The following CSMD1 variants were observed in gnomAD, a reference collection of about 807,000 sequenced individuals.
CSMD1 encodes the protein CUB and Sushi multiple domains 1, also known as CUB and sushi domain-containing protein 1.
Under a neutral mutation model 417.5 loss-of-function variants are expected in CSMD1, and 213 were observed. That is an observed-to-expected ratio of 0.51 (90% confidence interval 0.46 to 0.57). The LOEUF (loss-of-function observed/expected upper bound fraction) is 0.57. Among genes scored for constraint, CSMD1 ranks in the 20% least tolerant of loss-of-function variants. The pLI, the probability that CSMD1 is intolerant of heterozygous loss-of-function variation, is 0.00. For missense variants in CSMD1, 6,923 were observed against 4,529.7 expected (o/e 1.53, Z -15.17); for synonymous variants, 2,862 against 1,736.8 (o/e 1.65, Z -16.11).
rs553564952 is a variant in CSMD1 at position 4,453,790 on chromosome 8, C to A, written c.303-33725G>T. Among the ~76,000 whole-genome samples, 22 of 147,608 alleles carry A rather than the reference C, an allele frequency of 1.5e-4. No individual in the cohort carries two copies. In the East Asian group the frequency reaches 3.4e-3, roughly 23 times the overall value. ...ACGCCTCAGCTTTCACCCAGGTTCC[C>A]GAACAAGATTGCGCAATTCGTTTCT... On this transcript the variant is annotated intron_variant, in intron 2 of 69. Coordinates refer to ENST00000635120, the MANE Select transcript of CSMD1 (RefSeq NM_033225.6).
At chr8:3,815,327 AATC>A (rs2129079419) in intron 5 of CSMD1, among the ~76,000 whole-genome samples, 1 of 152,292 alleles carries the variant, frequency 6.6e-6, no homozygotes, top group African/African-American at 2.4e-5. Context: ...CTTCTGAACA[AATC>A]ATGCATTTTC....
chr8:4,009,740 C>G (rs908665398), intron 4 of CSMD1, among the ~76,000 whole-genome samples: 3 of 152,088 alleles, frequency 2.0e-5, no homozygotes, highest in African/African-American at 7.2e-5. Context: ...CCTCCACAGG[C>G]GCTCACTCCT....
intron 5 of CSMD1, among the ~76,000 whole-genome samples, chr8:3,959,298 A>G (rs1812166446): frequency 1.3e-5 from 2 of 152,190 alleles, no homozygotes; most frequent in Non-Finnish European, 2.9e-5. Context: ...GAAATGTGGG[A>G]TCAGCCTGGG....
intron 49 of CSMD1, among the ~76,000 whole-genome samples, chr8:3,058,055 C>T (rs977056517): frequency 2.0e-5 from 3 of 152,116 alleles, no homozygotes; most frequent in Admixed American, 1.3e-4. Context: ...TTCCGTTCTA[C>T]CCCAAATATT....
chr8:3,379,807 A>C (rs7839582), intron 18 of CSMD1, among the ~76,000 whole-genome samples: 127,450 of 152,130 alleles, frequency 0.84, 53,648 homozygotes, highest in African/African-American at 0.91. Context: ...AGAAGAAAAC[A>C]TAAGCAATAC....
At chr8:4,426,809 G>T (rs900972483) in intron 2 of CSMD1, among the ~76,000 whole-genome samples, 4 of 149,586 alleles carry the variant, frequency 2.7e-5, no homozygotes, top group African/African-American at 9.8e-5. Context: ...AATATAGTAT[G>T]TAATATTACA....
At chr8:3,295,810 C>T (rs1015693476) in intron 25 of CSMD1, among the ~76,000 whole-genome samples, 5 of 152,140 alleles carry the variant, frequency 3.3e-5, no homozygotes, top group African/African-American at 1.2e-4. Flanking sequence ...AAATTACTTT[C>T]CCTGATCACT....
At chr8:3,506,372 T>G (rs566457790) in intron 10 of CSMD1, among the ~76,000 whole-genome samples, 51 of 152,146 alleles carry the variant, frequency 3.4e-4, no homozygotes, top group African/African-American at 1.2e-3. Context: ...ACAAGAACAC[T>G]GGAGGTAGGG....
chr8:3,471,444 C>A (rs1474519748), intron 11 of CSMD1, among the ~76,000 whole-genome samples: 2 of 152,120 alleles, frequency 1.3e-5, no homozygotes, highest in African/African-American at 4.8e-5. Context: ...GTATTAGTTG[C>A]AGGGCTTTCT....
chr8:3,632,829 T>C (rs1462113326), intron 7 of CSMD1, among the ~76,000 whole-genome samples: 2 of 152,174 alleles, frequency 1.3e-5, no homozygotes, highest in Non-Finnish European at 2.9e-5. Context: ...GTCTATTGGT[T>C]CCCCTTCAGA....
intron 1 of CSMD1, among the ~76,000 whole-genome samples, chr8:4,703,592 G>T (rs977353136): frequency 5.3e-5 from 8 of 152,004 alleles, no homozygotes; most frequent in Admixed American, 5.2e-4. Flanking sequence ...AAAACACTTT[G>T]GTGTTAAGGA....
At chr8:4,577,346 G>C (rs1297953625) in intron 2 of CSMD1, among the ~76,000 whole-genome samples, 2 of 152,138 alleles carry the variant, frequency 1.3e-5, no homozygotes, top group African/African-American at 4.8e-5. Context: ...ATTTAGGAGA[G>C]CTTATTTCAG....
intron 48 of CSMD1, 96 bp downstream of exon 48, chr8:3,091,420 G>A (rs1347353408): frequency 3.4e-6 from 3 of 878,050 alleles, no homozygotes; most frequent in Non-Finnish European, 4.9e-6. Flanking sequence ...TTAAGAATTA[G>A]GATTATACTA....
chr8:4,360,175 G>C (rs1011410411), intron 3 of CSMD1, among the ~76,000 whole-genome samples: 1 of 152,126 alleles, frequency 6.6e-6, no homozygotes, highest in African/African-American at 2.4e-5. Context: ...GAGAGTGACT[G>C]TCACCGAGTA....
chr8:3,741,443 C>G (rs1796799472), intron 6 of CSMD1, among the ~76,000 whole-genome samples: 1 of 152,072 alleles, frequency 6.6e-6, no homozygotes, highest in African/African-American at 2.4e-5. Context: ...TTTTGTGTAC[C>G]TACATCATGA....
intron 9 of CSMD1, among the ~76,000 whole-genome samples, chr8:3,583,481 A>G (rs926509651): frequency 1.3e-5 from 2 of 152,092 alleles, no homozygotes; most frequent in Non-Finnish European, 2.9e-5. Flanking sequence ...GAAGCTTAGC[A>G]GAAGTGGTTC....
chr8:3,097,003 T>G lies in CSMD1; in HGVS notation c.6984A>C (p.Ser2328=). The G allele has an allele frequency of 6.4e-7, 1 of 1,555,604 alleles. No homozygotes were observed. Among genetic ancestry groups the G allele is most frequent in the Non-Finnish European group, 8.7e-7 (1 of 1,148,852 alleles). The part of the protein sequence containing the change: ...QCPANEVRTG[S]SGVILSPGYP... ...ACCCTGGACTGAGAATGACTCCCGATGATCCAGTCCGGACTTCATTTGCTG... is the reference window on the plus strand; with the variant it reads ...ACCCTGGACTGAGAATGACTCCCGAGGATCCAGTCCGGACTTCATTTGCTG... The change falls in exon 47 of 70, where the codon TCA becomes TCC. Residue 2328 remains serine, a synonymous_variant. Coordinates refer to ENST00000635120, the MANE Select transcript of CSMD1 (RefSeq NM_033225.6).
At chr8:4,174,945 G>C (rs1259648069) in intron 3 of CSMD1, among the ~76,000 whole-genome samples, 1 of 150,720 alleles carries the variant, frequency 6.6e-6, no homozygotes, top group Non-Finnish European at 1.5e-5. Flanking sequence ...ATTTAATATT[G>C]AAGTCTTTAA....
chr8:3,237,615 TATAA>T (rs1003331699), intron 26 of CSMD1, among the ~76,000 whole-genome samples: 7 of 143,208 alleles, frequency 4.9e-5, no homozygotes, highest in South Asian at 2.1e-4. Flanking sequence ...ATACTTATAC[TATAA>T]ATATATTTTT....
Sources: allele counts gnomAD v4.1 joint callset (sites outside exome capture counted in the v4.1 genomes callset), GRCh38; gene constraint gnomAD v4.1.1; transcripts MANE v1.5; gene names NCBI Gene and HGNC (gene_info 2026-07-23, HGNC 2026-07-21).